Variants in ME1 observed in about 807,000 individuals in gnomAD.
ME1 encodes the protein malic enzyme 1.
In ME1, 74 loss-of-function variants were observed where a neutral mutation model predicts 66.4. The ratio of observed to expected loss-of-function variants is 1.11; its 90% CI spans 0.92 to 1.35. The LOEUF (loss-of-function observed/expected upper bound fraction) is 1.35. Ranked by LOEUF, ME1 falls within the 40% of genes most tolerant of loss-of-function variation. ME1 has a pLI of 0.00. For synonymous variants in ME1, 251 were observed against 235.6 expected (o/e 1.07, Z -0.60); for missense variants, 750 against 694.1 (o/e 1.08, Z -0.90).
chr6:83,237,200 C>CAG (rs373389406), intron 9 of ME1, among the ~76,000 whole-genome samples: 21 of 121,112 alleles, frequency 1.7e-4, no homozygotes, highest in African/African-American at 3.4e-4. Context: ...ACCTCAAAAA[C>CAG]AGAGAGAGAG....
intron 12 of ME1, among the ~76,000 whole-genome samples, chr6:83,223,386 C>T (rs751631109): frequency 3.3e-5 from 5 of 152,148 alleles, no homozygotes; most frequent in Non-Finnish European, 7.4e-5. Flanking sequence ...AACTCCTGGG[C>T]TCAAGTGATC....
intron 3 of ME1, among the ~76,000 whole-genome samples, chr6:83,373,209 C>A (rs1418733): frequency 6.6e-6 from 1 of 151,748 alleles, no homozygotes; most frequent in Non-Finnish European, 1.5e-5. Flanking sequence ...ATTGACAGAC[C>A]ACCAAACCAA....
rs1425360797 is a variant in ME1 at position 83,376,417 on chromosome 6, C to T, written c.362+21950G>A. ...GACTGAGGCAGGAGAATCACTTGAA[C>T]CTGGGAGCTGGAGGTTGTGGTGAGC... is the stretch of plus-strand genomic sequence containing the variant. On this transcript the variant is annotated intron_variant, in intron 3 of 13. Transcript: ENST00000369705. 2.6e-5 allele frequency among the ~76,000 whole-genome samples: 4 copies of T among 151,028 alleles called. 1 individual carries two copies. The South Asian group carries it at 6.3e-4, about 24-fold the overall frequency.
chr6:83,320,810 A>G (rs1343094194), intron 5 of ME1, among the ~76,000 whole-genome samples: 1 of 152,200 alleles, frequency 6.6e-6, no homozygotes, highest in Non-Finnish European at 1.5e-5. Context: ...TTTATGAACA[A>G]GATAGAGATT....
At chr6:83,371,944 G>A (rs1382858498) in intron 3 of ME1, among the ~76,000 whole-genome samples, 3 of 151,984 alleles carry the variant, frequency 2.0e-5, no homozygotes, top group Non-Finnish European at 2.9e-5. Context: ...CTGGTTTAGG[G>A]GCCCCTCCTG....
In ME1 at chr6:83,357,955, A is replaced by C. The variant is rs868347016; in HGVS notation, c.363-5816T>G. Among the ~76,000 whole-genome samples, 344 of 111,264 alleles carry C rather than the reference A, an allele frequency of 3.1e-3. 1 individual carries two copies. The highest frequency in any genetic ancestry group is 0.011 in the Middle Eastern group (2 of 182). The allele number at this position is 111,264 out of a possible 152,430, so 73.0% of individuals were successfully genotyped here. On this transcript the variant is annotated intron_variant, in intron 3 of 13. Transcript: ENST00000369705. ...TCTCTCTATATATATATATATATATATATATATATATATATATATTTCATT... is the reference window on the plus strand; with the variant it reads ...TCTCTCTATATATATATATATATATCTATATATATATATATATATTTCATT...
intron 3 of ME1, among the ~76,000 whole-genome samples, chr6:83,353,298 G>C (rs1336460635): frequency 2.0e-5 from 3 of 152,124 alleles, no homozygotes; most frequent in Non-Finnish European, 4.4e-5. Context: ...TGTGATGTTA[G>C]TAGCTTATTT....
intron 1 of ME1, among the ~76,000 whole-genome samples, chr6:83,430,500 A>G (rs1338418484): frequency 2.0e-5 from 3 of 152,256 alleles, no homozygotes; most frequent in Non-Finnish European, 4.4e-5. Context: ...TGGCACATGG[A>G]GTCTGACCTG....
intron 6 of ME1, among the ~76,000 whole-genome samples, chr6:83,271,374 A>G (rs1767079447): frequency 6.6e-6 from 1 of 152,194 alleles, no homozygotes; most frequent in Admixed American, 6.5e-5. Context: ...GTTTAATGGA[A>G]AAGGGGAGAA....
chr6:83,416,466 A>G (rs1583425711), intron 1 of ME1, among the ~76,000 whole-genome samples: 1 of 152,218 alleles, frequency 6.6e-6, no homozygotes, highest in African/African-American at 2.4e-5. Flanking sequence ...CTTAAAATTC[A>G]CAGACCTAAT....
At chr6:83,276,115 C>T (rs1009213024) in intron 6 of ME1, among the ~76,000 whole-genome samples, 2 of 152,032 alleles carry the variant, frequency 1.3e-5, no homozygotes, top group Non-Finnish European at 2.9e-5. Flanking sequence ...AAGTCACTTA[C>T]GGTTGAAACG....
At chr6:83,317,776 T>G in intron 5 of ME1, among the ~76,000 whole-genome samples, 2 of 152,164 alleles carry the variant, frequency 1.3e-5, no homozygotes, top group Non-Finnish European at 2.9e-5. Context: ...ACCAATGCCT[T>G]TCTTCACACA....
intron 2 of ME1, among the ~76,000 whole-genome samples, chr6:83,406,596 C>A (rs970796955): frequency 6.6e-6 from 1 of 152,114 alleles, no homozygotes; most frequent in African/African-American, 2.4e-5. Flanking sequence ...TAGATTTCAA[C>A]GTACGAATTT....
At chr6:83,271,078 C>A (rs1044469148) in intron 6 of ME1, among the ~76,000 whole-genome samples, 1 of 151,128 alleles carries the variant, frequency 6.6e-6, no homozygotes, top group African/African-American at 2.4e-5. Context: ...AGGAAAGGGG[C>A]TTTTACTTTC....
At chr6:83,346,364 C>T (rs775011044) in intron 4 of ME1, 30 bp from the exon 5 acceptor site, 1 of 1,517,276 alleles carries the variant, frequency 6.6e-7, no homozygotes, top group Non-Finnish European at 8.9e-7. Flanking sequence ...TACCTATTAA[C>T]AAGTTTTCAC....
At chr6:83,422,312 G>T (rs953876260) in intron 1 of ME1, among the ~76,000 whole-genome samples, 1 of 152,162 alleles carries the variant, frequency 6.6e-6, no homozygotes, top group Non-Finnish European at 1.5e-5. Flanking sequence ...GGAACCGCAG[G>T]CCACAGGTGG....
At chr6:83,248,363 T>C (rs1042782609) in intron 7 of ME1, among the ~76,000 whole-genome samples, 2 of 152,222 alleles carry the variant, frequency 1.3e-5, no homozygotes, top group African/African-American at 4.8e-5. Context: ...GTGGCTGTTT[T>C]AGAGAACACT....
chr6:83,391,936 C>A (rs1769629613), intron 3 of ME1, among the ~76,000 whole-genome samples: 1 of 152,192 alleles, frequency 6.6e-6, no homozygotes, highest in Non-Finnish European at 1.5e-5. Context: ...TCCTGATCCC[C>A]CTTTTCCTGT....
intron 3 of ME1, among the ~76,000 whole-genome samples, chr6:83,397,375 T>C (rs1769754678): frequency 6.6e-6 from 1 of 152,084 alleles, no homozygotes; most frequent in African/African-American, 2.4e-5. Context: ...TTATGAAAAA[T>C]TGCTCAACAT....
Sources: gnomAD v4.1 joint callset for allele counts (sites outside exome capture counted in the v4.1 genomes callset) on GRCh38, gnomAD v4.1.1 for gene constraint, MANE v1.5 for transcripts, NCBI Gene and HGNC (gene_info 2026-07-23, HGNC 2026-07-21) for gene names.